Variants in PDIA6 observed in about 807,000 individuals in gnomAD.
The protein encoded by PDIA6 is protein disulfide-isomerase A6.
In PDIA6, 29 loss-of-function variants were observed where a neutral mutation model predicts 58.4. The observed-to-expected ratio is 0.50, with a 90% CI of 0.37 to 0.68. The LOEUF (loss-of-function observed/expected upper bound fraction) is 0.68. Ranked by LOEUF, PDIA6 falls within the 30% of genes least tolerant of loss-of-function variation. PDIA6 has a pLI of 0.00. For missense variants in PDIA6, 480 were observed against 551.0 expected, an observed-to-expected ratio of 0.87 and a Z score of 1.29; for synonymous variants, 192 against 202.6, an observed-to-expected ratio of 0.95 and a Z score of 0.44.
intron 1 of PDIA6, among the ~76,000 whole-genome samples, chr2:10,828,675 C>T (rs1667625028): frequency 6.6e-6 from 1 of 152,242 alleles, no homozygotes; most frequent in Admixed American, 6.5e-5. Flanking sequence ...CCCTACCAGC[C>T]CCCTTTGGAT....
At chr2:10,825,770 C>T (rs1174917992) in intron 1 of PDIA6, among the ~76,000 whole-genome samples, 2 of 152,248 alleles carry the variant, frequency 1.3e-5, no homozygotes, top group East Asian at 3.9e-4. Flanking sequence ...ATCAAAACCA[C>T]AATGAGAAAT....
intron 1 of PDIA6, among the ~76,000 whole-genome samples, chr2:10,819,668 G>A (rs1345732253): frequency 2.0e-5 from 3 of 152,168 alleles, no homozygotes; most frequent in African/African-American, 7.2e-5. Flanking sequence ...TTGCACATTT[G>A]TCTTAACTTC....
intron 1 of PDIA6, among the ~76,000 whole-genome samples, chr2:10,828,525 C>T (rs1667619946): frequency 6.6e-6 from 1 of 152,176 alleles, no homozygotes; most frequent in Non-Finnish European, 1.5e-5. Flanking sequence ...TCCCGCCCTC[C>T]TTGCACCACC....
At chr2:10,792,668 C>T (rs567430483) in intron 5 of PDIA6, among the ~76,000 whole-genome samples, 30 of 152,344 alleles carry the variant, frequency 2.0e-4, no homozygotes, top group Admixed American at 1.6e-3. Flanking sequence ...CTCTCTTCTT[C>T]CCTATCCATT....
chr2:10,814,976 A>G (rs1667147754), upstream of PDIA6, among the ~76,000 whole-genome samples: 1 of 152,158 alleles, frequency 6.6e-6, no homozygotes, highest in African/African-American at 2.4e-5. Flanking sequence ...GCCAGATCAT[A>G]ACTCCCTGCT....
intron 3 of PDIA6, among the ~76,000 whole-genome samples, chr2:10,797,415 C>A (rs1448288133): frequency 6.6e-6 from 1 of 152,182 alleles, no homozygotes; most frequent in Admixed American, 6.5e-5. Flanking sequence ...GGGAACTCTG[C>A]AGCTCACAGA....
intron 11 of PDIA6, among the ~76,000 whole-genome samples, chr2:10,785,721 A>G (rs1165796775): frequency 1.3e-5 from 2 of 152,180 alleles, no homozygotes; most frequent in African/African-American, 4.8e-5. Flanking sequence ...AAACTTAAGC[A>G]GTCCACAAAC....
chr2:10,784,738 GTATCAAA>G, intron 12 of PDIA6, 189 bp downstream of exon 12: 1 of 560,460 alleles, frequency 1.8e-6, no homozygotes, highest in Non-Finnish European at 3.1e-6. Flanking sequence ...GCTGTCAAGA[GTATCAAA>G]TGCCATGCAG....
At chr2:10,837,447 A>T (rs746907849), upstream of PDIA6, 1 of 655,910 alleles carries the variant, frequency 1.5e-6, no homozygotes, top group Non-Finnish European at 2.8e-6. Context: ...GGGAGAAAAA[A>T]ATAAGATGAA....
Position 10,793,123 on chromosome 2 carries a change from C to G in PDIA6, c.426G>C (p.Arg142=), listed in dbSNP as rs4799. The part of the protein sequence containing the change: ...RQLVKDRLGG[R]SGGYSSGKQG... Reference sequence around the variant, plus strand: ...GTTTTCCAGAACTGTATCCTCCGCTCCGTCCCCCGAGGCGATCCTTCACGA... The same window carrying G: ...GTTTTCCAGAACTGTATCCTCCGCTGCGTCCCCCGAGGCGATCCTTCACGA... The change falls in exon 5 of 13, where the codon CGG becomes CGC. Residue 142 remains arginine, a synonymous_variant. Transcript: ENST00000272227. 4 of 1,613,206 alleles carry G rather than the reference C, an allele frequency of 2.5e-6. No homozygotes were observed. The highest frequency in any genetic ancestry group is 3.4e-6 in the Non-Finnish European group (4 of 1,179,340).
Position 10,797,149 on chromosome 2 carries a change from T to C in PDIA6, c.278A>G (p.Tyr93Cys). The C allele has an allele frequency of 6.2e-7, 1 of 1,611,984 alleles. No individual in the cohort carries two copies. Among genetic ancestry groups the C allele is most frequent in the Non-Finnish European group, 8.5e-7 (1 of 1,178,128 alleles). The change falls in exon 4 of 13, where the codon TAT (tyrosine) becomes TGT (cysteine). Residue 93 changes from tyrosine to cysteine, a missense_variant. Physicochemically the swap from Tyr to Cys is radical, Grantham distance 194. Transcript: ENST00000272227. ...ADKHHSLGGQYGVQGFPTIKI... is the reference protein window; with the variant it reads ...ADKHHSLGGQCGVQGFPTIKI... ...AATGGTAGGAAATCCCTGAACACCATACTGACCTCCTAGGGAATGATGCTT... is the reference window on the plus strand; with the variant it reads ...AATGGTAGGAAATCCCTGAACACCACACTGACCTCCTAGGGAATGATGCTT...
upstream of PDIA6, among the ~76,000 whole-genome samples, chr2:10,813,751 T>G (rs1239801311): frequency 6.6e-6 from 1 of 152,200 alleles, no homozygotes; most frequent in Non-Finnish European, 1.5e-5. Flanking sequence ...TTCTCTTGCC[T>G]CAGCTTCCCG....
chr2:10,787,612 TA>T (rs1330639663), intron 10 of PDIA6, among the ~76,000 whole-genome samples, 173 bp from the exon 11 acceptor site: 3 of 152,180 alleles, frequency 2.0e-5, no homozygotes, highest in African/African-American at 7.2e-5. Flanking sequence ...ATCCCACCAA[TA>T]TCATTTGGGT....
At chr2:10,817,710 A>T (rs957516585), upstream of PDIA6, among the ~76,000 whole-genome samples, 2 of 152,038 alleles carry the variant, frequency 1.3e-5, no homozygotes. Flanking sequence ...TACCATGCAG[A>T]CCCCCACAGG....
At chr2:10,793,664 C>T (rs140279429) in intron 4 of PDIA6, among the ~76,000 whole-genome samples, 7 of 152,188 alleles carry the variant, frequency 4.6e-5, no homozygotes, top group Non-Finnish European at 8.8e-5. Context: ...GTGTCCAGCC[C>T]GATTTCTCTT....
At chr2:10,792,809 C>G (rs550251481) in intron 5 of PDIA6, among the ~76,000 whole-genome samples, 1 of 152,198 alleles carries the variant, frequency 6.6e-6, no homozygotes, top group African/African-American at 2.4e-5. Flanking sequence ...TCTGGACCTA[C>G]AAGTGCCATG....
chr2:10,837,226 G>A (rs978730512), upstream of PDIA6, among the ~76,000 whole-genome samples: 5 of 152,280 alleles, frequency 3.3e-5, no homozygotes, highest in African/African-American at 7.2e-5. Context: ...TGGCGGCCAC[G>A]GCCCCCTTAC....
intron 1 of PDIA6, among the ~76,000 whole-genome samples, chr2:10,809,766 T>TAC (rs2148563164): frequency 6.6e-6 from 1 of 151,952 alleles, no homozygotes; most frequent in African/African-American, 2.4e-5. Flanking sequence ...ACTTGCTCAG[T>TAC]ACACTGAGCC....
In PDIA6 at chr2:10,788,908, A is replaced by T. The variant is rs1665905760; in HGVS notation, c.914T>A (p.Ile305Asn). ...TCCGTCTGTCTTACCAGTATCAAGG[A>T]TATGGGGCAGCACAGCCACAACACA... ...QLCVVAVLPHILDTGAAGRNS... is the reference protein window; with the variant it reads ...QLCVVAVLPHNLDTGAAGRNS... The change falls in exon 9 of 13, where the codon ATC becomes AAC. Residue 305 changes from isoleucine to asparagine, a missense_variant. Transcript: ENST00000272227. 6.2e-7 allele frequency: 1 copy of T among 1,613,228 alleles called. No homozygotes were observed. The highest frequency in any genetic ancestry group is 1.7e-5 in the Admixed American group (1 of 60,010).
Sources: gnomAD v4.1 joint callset for allele counts (sites outside exome capture counted in the v4.1 genomes callset) on GRCh38, gnomAD v4.1.1 for gene constraint, MANE v1.5 for transcripts, NCBI Gene and HGNC (gene_info 2026-07-23, HGNC 2026-07-21) for gene names.